KIRREL2: variants seen among roughly 807,000 people sequenced by gnomAD.
KIRREL2 encodes kin of IRRE-like protein 2.
In KIRREL2, 56 loss-of-function variants were observed where a neutral mutation model predicts 73.4. That is an observed-to-expected ratio of 0.76 (90% confidence interval 0.62 to 0.95). The LOEUF is 0.95. Ranked by LOEUF, KIRREL2 falls within the 40% of genes least tolerant of loss-of-function variation. The pLI is 0.00. For missense variants in KIRREL2, 896 were observed against 935.0 expected (o/e 0.96, Z 0.54); for synonymous variants, 407 against 404.0 (o/e 1.01, Z -0.09).
intron 13 of KIRREL2, 118 bp downstream of exon 13, chr19:35,863,154 G>A: frequency 1.6e-6 from 1 of 627,128 alleles, no homozygotes; most frequent in South Asian, 1.9e-5. Context: ...CCTGACGTTG[G>A]TAATACCACT....
Position 35,862,991 on chromosome 19 carries a change from T to C in KIRREL2, c.1680T>C (p.Ser560=). 2 of 1,593,278 alleles carry C rather than the reference T, an allele frequency of 1.3e-6. No homozygotes were observed. Among genetic ancestry groups the C allele is most frequent in the Non-Finnish European group, 1.7e-6 (2 of 1,170,362 alleles). ...TCCCTGGCAGCAGCGACGGCTCCAG[T>C]TCACGAGGTCCTGAAGAAGAGGAGA... The part of the protein sequence containing the change: ...MRIPGSSDGS[S]SRGPEEEETG... The change falls in exon 13 of 15, where the codon AGT becomes AGC. Residue 560 remains serine, a synonymous_variant. Transcript: ENST00000360202.
rs370129396 is a variant in KIRREL2 at position 35,860,781 on chromosome 19, G to A, written c.928+114G>A. ...GAGAGCGAGCGTGGGGTATTAGGAG[G>A]AGGAGAGTGTGGAGCTGGGGCATAT... On this transcript the variant is annotated intron_variant, in intron 7 of 14. Coordinates refer to ENST00000360202, the MANE Select transcript of KIRREL2 (RefSeq NM_199180.4). The A allele has an allele frequency of 1.9e-6, 3 of 1,584,594 alleles. No individual in the cohort carries two copies. In the African/African-American group the frequency reaches 4.0e-5, roughly 21 times the overall value.
rs1459846421 is a variant in KIRREL2 at position 35,866,192 on chromosome 19, C to T, written c.1827C>T (p.Val609=). The change falls in exon 15 of 15, where the codon GTC becomes GTT. Residue 609 remains valine (V), a synonymous_variant. Transcript: ENST00000360202. The stretch of plus-strand genomic sequence containing the variant: ...ACGGTTACTACAAGGTCCGAGGAGT[C>T]AGTGTGAGCCTGAGCCTTGGCGAAG... ...PTNGYYKVRG[V]SVSLSLGEAP... 1.9e-6 allele frequency: 3 copies of T among 1,612,280 alleles called. No homozygotes were observed. Among genetic ancestry groups the T allele is most frequent in the Admixed American group, 1.7e-5 (1 of 59,416 alleles).
rs757920471 is a variant in KIRREL2 at position 35,858,899 on chromosome 19, T to C, written c.522+35T>C. The stretch of plus-strand genomic sequence containing the variant: ...AAATTCCTGTGCTAGCCTTTGCCCA[T>C]TGAGGGAAACTTGGGTTACACTCTG... On this transcript the variant is annotated intron_variant, in intron 4 of 14. Coordinates refer to ENST00000360202, the MANE Select transcript of KIRREL2 (RefSeq NM_199180.4). 11 of 1,610,504 alleles carry C rather than the reference T, an allele frequency of 6.8e-6. No homozygotes were observed. In the Admixed American group the frequency reaches 8.4e-5, roughly 12 times the overall value.
At chr19:35,856,825 G>T, upstream of KIRREL2, 2 of 489,578 alleles carry the variant, frequency 4.1e-6, no homozygotes, top group South Asian at 2.3e-5. The surrounding 1 kb of genome is among the most constrained non-coding windows in gnomAD (Gnocchi z 5.9). Context: ...TCTCAGCCGC[G>T]GGAGTTTCTC....
chr19:35,853,481 C>T (rs941011272), upstream of KIRREL2, among the ~76,000 whole-genome samples: 4 of 152,208 alleles, frequency 2.6e-5, no homozygotes, highest in African/African-American at 4.8e-5. Flanking sequence ...GTCTCTCTCT[C>T]TCCCTCCCTC....
chr19:35,855,702 CACACAT>C (rs199585208), upstream of KIRREL2, among the ~76,000 whole-genome samples: 13,653 of 129,430 alleles, frequency 0.11, 1,256 homozygotes, highest in East Asian at 0.33. Context: ...CACACACACA[CACACAT>C]ACACACAGGA....
chr19:35,856,768 C>CTGGGACTCCTGGGTCCT, upstream of KIRREL2: 4 of 408,232 alleles, frequency 9.8e-6, no homozygotes, highest in South Asian at 4.6e-5. The surrounding 1 kb of genome is among the most constrained non-coding windows in gnomAD (Gnocchi z 5.9). Context: ...GAGCTGGGGG[C>CTGGGACTCCTGGGTCCT]GCCCACCCGC....
chr19:35,861,971 G>C lies in KIRREL2; in HGVS notation c.1457G>C (p.Ser486Thr), dbSNP rs201176883. ...ESDFSRSFNC[S>T]ARNRLGEGGA... is the part of the protein sequence containing the mutation. Reference sequence around the variant, plus strand: ...GACTTTAGCAGGAGCTTTAACTGCAGTGCCCGGAACCGGCTGGGCGAGGGA... The same window carrying C: ...GACTTTAGCAGGAGCTTTAACTGCACTGCCCGGAACCGGCTGGGCGAGGGA... Residue 486 changes from serine to threonine, a missense_variant, in exon 11 of 15, where the codon AGT becomes ACT. Coordinates refer to ENST00000360202, the MANE Select transcript of KIRREL2 (RefSeq NM_199180.4). The C allele has an allele frequency of 1.2e-6, 2 of 1,613,286 alleles. No homozygotes were observed. Among genetic ancestry groups the C allele is most frequent in the Non-Finnish European group, 1.7e-6 (2 of 1,179,758 alleles).
chr19:35,861,208 A>G lies in KIRREL2; in HGVS notation c.1143A>G (p.Leu381=). Residue 381 remains leucine (L), a synonymous_variant, in exon 9 of 15, where the codon CTA becomes CTG. Coordinates refer to ENST00000360202, the MANE Select transcript of KIRREL2 (RefSeq NM_199180.4). The part of the protein sequence containing the change: ...GDYVCRAEAG[L]SGLRGGAAEA... ...ATGTGTGCAGAGCTGAGGCTGGGCTATCGGGCCTGCGGGGCGGCGCCGCGG... is the reference window on the plus strand; with the variant it reads ...ATGTGTGCAGAGCTGAGGCTGGGCTGTCGGGCCTGCGGGGCGGCGCCGCGG... The G allele has an allele frequency of 6.5e-7, 1 of 1,546,086 alleles. No homozygotes were observed. The highest frequency in any genetic ancestry group is 8.7e-7 in the Non-Finnish European group (1 of 1,153,940).
At chr19:35,859,369 T>C in intron 4 of KIRREL2, 112 bp from the exon 5 acceptor site, 2 of 870,802 alleles carry the variant, frequency 2.3e-6, no homozygotes, top group Non-Finnish European at 3.6e-6. Context: ...CTATCATTAG[T>C]GTTAGTATGT....
intron 12 of KIRREL2, 128 bp downstream of exon 12, chr19:35,862,725 C>G (rs1973760953): frequency 1.3e-6 from 1 of 761,148 alleles, no homozygotes; most frequent in South Asian, 1.6e-5. Context: ...GGGCTTAGCT[C>G]TCCTTCACGT....
At chr19:35,860,203 C>T in intron 5 of KIRREL2, 94 bp from the exon 6 acceptor site, 4 of 1,019,430 alleles carry the variant, frequency 3.9e-6, no homozygotes, top group Non-Finnish European at 5.9e-6. Flanking sequence ...GGGGCCCAGA[C>T]TCCTGGGATG....
upstream of KIRREL2, among the ~76,000 whole-genome samples, chr19:35,855,042 C>A (rs115103389): frequency 9.1e-3 from 1,389 of 152,254 alleles, 19 homozygotes; most frequent in African/African-American, 0.031. Flanking sequence ...CCAAGACCCC[C>A]GCCAATATCG....
rs199934059 is a variant in KIRREL2 at position 35,861,221 on chromosome 19, G to A, written c.1156G>A (p.Gly386Ser). 2.5e-5 allele frequency: 39 copies of A among 1,538,402 alleles called. No homozygotes were observed. The African/African-American group carries it at 4.3e-4, about 17-fold the overall frequency. ...RAEAGLSGLRGGAAEARLTVN... is the reference protein window; with the variant it reads ...RAEAGLSGLRSGAAEARLTVN... ...TGAGGCTGGGCTATCGGGCCTGCGG[G>A]GCGGCGCCGCGGAGGCTCGGCTGAC... Residue 386 changes from glycine (G) to serine (S), a missense_variant, in exon 9 of 15, where the codon GGC (glycine) becomes AGC (serine). Transcript: ENST00000360202.
At chr19:35,861,678 C>T (rs958600788) in intron 10 of KIRREL2, 37 bp downstream of exon 10, 1 of 1,603,968 alleles carries the variant, frequency 6.2e-7, no homozygotes, top group Non-Finnish European at 8.5e-7. Context: ...CCCATCCAGC[C>T]GTGATCCCTG....
upstream of KIRREL2, among the ~76,000 whole-genome samples, chr19:35,852,304 G>GTC (rs139954720): frequency 9.6e-4 from 140 of 145,144 alleles, no homozygotes; most frequent in East Asian, 0.013. Flanking sequence ...CTCTCTCTCT[G>GTC]TCTCTCTCTC....
upstream of KIRREL2, chr19:35,856,768 C>CTGGGACTCCTGGGTCCTGAAT: frequency 1.2e-5 from 5 of 408,238 alleles, no homozygotes; most frequent in Middle Eastern, 7.3e-4. This position sits in a 1 kb window ranked among gnomAD's most constrained non-coding sequence, Gnocchi z 5.9. Flanking sequence ...GAGCTGGGGG[C>CTGGGACTCCTGGGTCCTGAAT]GCCCACCCGC....
chr19:35,859,462 T>C lies in KIRREL2; in HGVS notation c.523-19T>C. On this transcript the variant is annotated intron_variant, in intron 4 of 14. Transcript: ENST00000360202. ...CCCTGATGGGTAGATGGCATTATTATTCTTATCCTTCCCTCCAGACCCTGC... is the reference window on the plus strand; with the variant it reads ...CCCTGATGGGTAGATGGCATTATTACTCTTATCCTTCCCTCCAGACCCTGC... 2.5e-6 allele frequency: 4 copies of C among 1,610,572 alleles called. No individual in the cohort carries two copies. The highest frequency in any genetic ancestry group is 3.4e-6 in the Non-Finnish European group (4 of 1,177,274).
Sources: gnomAD v4.1 joint callset for allele counts (sites outside exome capture counted in the v4.1 genomes callset) on GRCh38, gnomAD v4.1.1 for gene constraint, Gnocchi (gnomAD v3.1) non-coding constraint, MANE v1.5 for transcripts, NCBI Gene and HGNC (gene_info 2026-07-23, HGNC 2026-07-21) for gene names.